Variants in ANGPT2 observed in about 807,000 individuals in gnomAD.
ANGPT2 encodes the protein angiopoietin 2.
A neutral mutation model predicts 62.9 loss-of-function variants in ANGPT2; 28 were observed. The observed-to-expected ratio is 0.44, with a 90% CI of 0.33 to 0.61. ANGPT2 has a LOEUF of 0.61. Among genes scored for constraint, ANGPT2 ranks in the 20% least tolerant of loss-of-function variants. The pLI is 0.03. For synonymous variants in ANGPT2, 284 were observed against 207.8 expected (o/e 1.37, Z -3.15); for missense variants, 727 against 594.9 (o/e 1.22, Z -2.31).
intron 1 of ANGPT2, among the ~76,000 whole-genome samples, chr8:6,554,535 T>C (rs1440740013): frequency 6.6e-6 from 1 of 152,328 alleles, no homozygotes; most frequent in Middle Eastern, 3.4e-3. Context: ...TAAAATTACA[T>C]ATTTTTACAT....
chr8:6,503,833 G>A (rs1046751029), intron 8 of ANGPT2, among the ~76,000 whole-genome samples: 2 of 152,222 alleles, frequency 1.3e-5, no homozygotes, highest in Non-Finnish European at 2.9e-5. Context: ...GAGGTGTCCA[G>A]CACAGGGGCT....
chr8:6,558,183 C>T (rs759086292), intron 1 of ANGPT2, among the ~76,000 whole-genome samples: 29 of 152,232 alleles, frequency 1.9e-4, no homozygotes, highest in Admixed American at 3.9e-4. Flanking sequence ...AAAGAAGGAA[C>T]GCTGTACATT....
In ANGPT2 at chr8:6,500,224, G is replaced by C; in HGVS notation, c.*2877C>G. On this transcript the variant is annotated 3_prime_UTR_variant, in exon 9 of 9. Coordinates refer to ENST00000629816, the MANE Select transcript of ANGPT2 (RefSeq NM_001118887.2). ...AAAAGACTGAATTCTTGGGCAGGTA[G>C]TCTTATATCTTGCTTAATGTTTTTA... is the stretch of plus-strand genomic sequence containing the variant. 2.5e-6 allele frequency: 1 copy of C among 396,060 alleles called. No homozygotes were observed. Among genetic ancestry groups the C allele is most frequent in the Non-Finnish European group, 4.7e-6 (1 of 211,144 alleles). 24.5% of individuals were successfully genotyped at this position (396,060 alleles called of 1,614,324 possible).
chr8:6,540,683 T>C (rs753577626), intron 1 of ANGPT2, among the ~76,000 whole-genome samples: 27 of 152,280 alleles, frequency 1.8e-4, no homozygotes, highest in Non-Finnish European at 3.2e-4. Flanking sequence ...TATGTGTGTG[T>C]ACCTCTGTCT....
At chr8:6,542,976 G>A (rs1821884039) in intron 1 of ANGPT2, among the ~76,000 whole-genome samples, 1 of 152,258 alleles carries the variant, frequency 6.6e-6, no homozygotes, top group East Asian at 1.9e-4. Flanking sequence ...GGAAGCGTGT[G>A]TTGTTTCTGT....
intron 5 of ANGPT2, among the ~76,000 whole-genome samples, chr8:6,518,592 C>T (rs1234782460): frequency 6.6e-6 from 1 of 152,122 alleles, no homozygotes; most frequent in Non-Finnish European, 1.5e-5. Context: ...GTCTTTAAAA[C>T]CCTAATGCTT....
At chr8:6,517,266 G>C (rs1424887677) in intron 5 of ANGPT2, among the ~76,000 whole-genome samples, 2 of 152,162 alleles carry the variant, frequency 1.3e-5, no homozygotes, top group Non-Finnish European at 2.9e-5. Context: ...GCAGGAACCT[G>C]ATATCTTTCT....
chr8:6,538,973 T>C (rs1477892265), intron 1 of ANGPT2, among the ~76,000 whole-genome samples: 1 of 152,224 alleles, frequency 6.6e-6, no homozygotes, highest in Non-Finnish European at 1.5e-5. Context: ...ATTTGAGGTC[T>C]CCAGACAGAA....
At chr8:6,524,997 T>C (rs1404511547) in intron 3 of ANGPT2, among the ~76,000 whole-genome samples, 1 of 152,228 alleles carries the variant, frequency 6.6e-6, no homozygotes, top group Non-Finnish European at 1.5e-5. Context: ...TGAATATCTA[T>C]CTAAATAAAG....
chr8:6,557,805 G>A lies in ANGPT2; in HGVS notation c.288+4842C>T, dbSNP rs192720698. Among the ~76,000 whole-genome samples, 165 of 152,066 alleles carry A rather than the reference G, an allele frequency of 1.1e-3. 2 individuals are homozygous for A. Among genetic ancestry groups the A allele is most frequent in the African/African-American group, 3.8e-3 (156 of 41,486 alleles). On this transcript the variant is annotated intron_variant, in intron 1 of 8. Transcript: ENST00000629816. ...CCTGGAAATTGTGAACAGCTAATTG[G>A]AAAACAGTCTGTCCGTGTTCATGAT...
chr8:6,522,156 G>C (rs557570244), intron 3 of ANGPT2, among the ~76,000 whole-genome samples: 29 of 152,148 alleles, frequency 1.9e-4, no homozygotes, highest in South Asian at 1.5e-3. Context: ...GAGATTGAGA[G>C]TATCCTGGCT....
chr8:6,540,062 C>G (rs116371594), intron 1 of ANGPT2, among the ~76,000 whole-genome samples: 2 of 152,168 alleles, frequency 1.3e-5, no homozygotes, highest in Non-Finnish European at 2.9e-5. Context: ...ATAGTCCATG[C>G]CTCTCCTCCT....
intron 8 of ANGPT2, among the ~76,000 whole-genome samples, chr8:6,506,711 T>C (rs753086937): frequency 2.0e-5 from 3 of 150,898 alleles, no homozygotes; most frequent in Non-Finnish European, 4.4e-5. Flanking sequence ...GGTGTAATAA[T>C]GGTGTAACAT....
chr8:6,540,003 G>A (rs1296925023), intron 1 of ANGPT2, among the ~76,000 whole-genome samples: 1 of 152,168 alleles, frequency 6.6e-6, no homozygotes, highest in Non-Finnish European at 1.5e-5. Flanking sequence ...ACTCCAAGAT[G>A]TATTAGGAAA....
At chr8:6,522,081 C>T (rs761090858) in intron 3 of ANGPT2, among the ~76,000 whole-genome samples, 4 of 152,190 alleles carry the variant, frequency 2.6e-5, no homozygotes, top group East Asian at 1.9e-4. Flanking sequence ...GCTGGCCGGG[C>T]GCAGTGGCTC....
chr8:6,530,280 G>A (rs896651772), intron 2 of ANGPT2, among the ~76,000 whole-genome samples: 6 of 152,112 alleles, frequency 3.9e-5, no homozygotes, highest in Admixed American at 6.6e-5. Flanking sequence ...GGCCAAGGCA[G>A]GTGGATCACC....
intron 4 of ANGPT2, among the ~76,000 whole-genome samples, chr8:6,520,308 T>G (rs998376814): frequency 2.0e-5 from 3 of 152,226 alleles, no homozygotes; most frequent in East Asian, 3.8e-4. Flanking sequence ...ATTATTACTT[T>G]TGAAGATCTT....
chr8:6,521,218 C>T lies in ANGPT2; in HGVS notation c.759G>A (p.Glu253=), dbSNP rs959296572. 1 of 1,613,884 alleles carries T rather than the reference C, an allele frequency of 6.2e-7. No individual in the cohort carries two copies. The highest frequency in any genetic ancestry group is 8.5e-7 in the Non-Finnish European group (1 of 1,179,916). ...TCATAGTCAGTAAGTTATTAACTGT[C>T]TCCATGAGATCATGTTGCTGCTTCT... ...VLQKQQHDLM[E]TVNNLLTMMS... The change falls in exon 4 of 9, where the codon GAG becomes GAA. Residue 253 remains glutamate, a synonymous_variant. Transcript: ENST00000629816.
chr8:6,523,486 A>G (rs2129569829), intron 3 of ANGPT2, among the ~76,000 whole-genome samples: 1 of 152,352 alleles, frequency 6.6e-6, no homozygotes, highest in South Asian at 2.1e-4. Flanking sequence ...AGCCAGAGGA[A>G]ACAAATCCAA....
Sources: gnomAD v4.1 joint callset for allele counts (sites outside exome capture counted in the v4.1 genomes callset) on GRCh38, gnomAD v4.1.1 for gene constraint, MANE v1.5 for transcripts, NCBI Gene and HGNC (gene_info 2026-07-23, HGNC 2026-07-21) for gene names.